Variants in PTPRD observed in about 807,000 individuals in gnomAD.
PTPRD encodes receptor-type tyrosine-protein phosphatase delta.
PTPRD carries 34 observed loss-of-function variants against 214.5 expected under a neutral mutation model. The observed-to-expected ratio is 0.16, with a 90% CI of 0.12 to 0.21. PTPRD has a LOEUF of 0.21. Among genes scored for constraint, PTPRD ranks in the 10% least tolerant of loss-of-function variants. PTPRD has a pLI of 1.00. For synonymous variants in PTPRD, 1,128 were observed against 845.7 expected (o/e 1.33, Z -5.79); for missense variants, 2,545 against 2,398.7 (o/e 1.06, Z -1.27).
chr9:9,199,782 A>G (rs2099940788), intron 9 of PTPRD, among the ~76,000 whole-genome samples: 1 of 148,186 alleles, frequency 6.7e-6, no homozygotes, highest in Non-Finnish European at 1.5e-5. Flanking sequence ...AACACGCTAA[A>G]GTAATTTATA....
intron 10 of PTPRD, among the ~76,000 whole-genome samples, chr9:9,123,761 A>G (rs1165496253): frequency 6.6e-6 from 1 of 152,216 alleles, no homozygotes; most frequent in Non-Finnish European, 1.5e-5. Flanking sequence ...GGAAGACAAC[A>G]TTTGTTGAAA....
intron 4 of PTPRD, among the ~76,000 whole-genome samples, chr9:9,989,045 A>AG (rs2095822162): frequency 6.7e-6 from 1 of 148,288 alleles, no homozygotes; most frequent in Non-Finnish European, 1.5e-5. Flanking sequence ...AAAAAAAAAA[A>AG]CCACAGACTT....
chr9:8,589,778 A>G (rs1261797032), intron 14 of PTPRD, among the ~76,000 whole-genome samples: 2 of 152,192 alleles, frequency 1.3e-5, no homozygotes, highest in African/African-American at 4.8e-5. Flanking sequence ...GAAACTTGAC[A>G]CATTCCTCTG....
intron 11 of PTPRD, among the ~76,000 whole-genome samples, chr9:8,901,179 C>A (rs1310572993): frequency 6.6e-6 from 1 of 152,150 alleles, no homozygotes; most frequent in East Asian, 1.9e-4. Context: ...AGCTCAACAG[C>A]TCTGCACATA....
intron 11 of PTPRD, among the ~76,000 whole-genome samples, chr9:8,920,976 G>A: frequency 6.6e-6 from 1 of 152,072 alleles, no homozygotes; most frequent in East Asian, 1.9e-4. Flanking sequence ...CCCACGCCAG[G>A]CTTACTTTTG....
intron 3 of PTPRD, among the ~76,000 whole-genome samples, chr9:10,140,629 C>G (rs1008839689): frequency 6.6e-6 from 1 of 151,950 alleles, no homozygotes; most frequent in African/African-American, 2.4e-5. Context: ...CGAAAAAAGT[C>G]CAGGACCAGA....
chr9:9,241,830 T>C (rs1452411183), intron 9 of PTPRD, among the ~76,000 whole-genome samples: 1 of 151,980 alleles, frequency 6.6e-6, no homozygotes, highest in African/African-American at 2.4e-5. Flanking sequence ...AATTGGAGCA[T>C]TTAGCCCATT....
chr9:8,315,677 G>A lies in PTPRD; in HGVS notation c.*2197C>T, dbSNP rs1821277335. On this transcript the variant is annotated 3_prime_UTR_variant, in exon 46 of 46. Coordinates refer to ENST00000381196, the MANE Select transcript of PTPRD (RefSeq NM_002839.4). Reference sequence around the variant, plus strand: ...TTCTTTTTCTTTGTTTTTTACAAAAGTGCTCAAATACAATGCTTGCAAATG... The same window carrying A: ...TTCTTTTTCTTTGTTTTTTACAAAAATGCTCAAATACAATGCTTGCAAATG... The A allele has an allele frequency of 4.4e-6, 1 of 227,190 alleles. No homozygotes were observed. The highest frequency in any genetic ancestry group is 8.7e-6 in the Non-Finnish European group (1 of 114,476). 14.1% of individuals were successfully genotyped at this position (227,190 alleles called of 1,614,324 possible). A position where few individuals can be genotyped will look rare whatever the true frequency, so the allele number is the denominator to read the frequency against.
intron 5 of PTPRD, among the ~76,000 whole-genome samples, chr9:9,813,036 A>C (rs2153547990): frequency 6.6e-6 from 1 of 152,254 alleles, no homozygotes; most frequent in Admixed American, 6.5e-5. Context: ...TGTGGAAAGT[A>C]AACAACACAC....
chr9:8,530,849 T>C (rs1169320301), intron 14 of PTPRD, among the ~76,000 whole-genome samples: 1 of 151,970 alleles, frequency 6.6e-6, no homozygotes, highest in East Asian at 1.9e-4. Flanking sequence ...TATTGTAAGA[T>C]AAAATTGATG....
intron 9 of PTPRD, among the ~76,000 whole-genome samples, chr9:9,323,186 C>T (rs1223590126): frequency 6.6e-6 from 1 of 151,750 alleles, no homozygotes; most frequent in East Asian, 1.9e-4. Context: ...CTAATTATAC[C>T]ATCCAAATCA....
chr9:9,855,104 C>G (rs2061298541), intron 5 of PTPRD, among the ~76,000 whole-genome samples: 1 of 152,180 alleles, frequency 6.6e-6, no homozygotes, highest in Admixed American at 6.5e-5. Context: ...TGGAGTTGTC[C>G]TGATCAACCT....
chr9:8,763,045 G>A (rs1213942995), intron 11 of PTPRD, among the ~76,000 whole-genome samples: 1 of 152,136 alleles, frequency 6.6e-6, no homozygotes, highest in Non-Finnish European at 1.5e-5. Flanking sequence ...TCAGGATCCT[G>A]GCTCAGATAT....
At chr9:9,386,514 T>G (rs1184671319) in intron 9 of PTPRD, among the ~76,000 whole-genome samples, 1 of 152,294 alleles carries the variant, frequency 6.6e-6, no homozygotes, top group South Asian at 2.1e-4. Context: ...TTGGTAATGA[T>G]TAAGTCTTCC....
At position 10,569,100 on chromosome 9, in the gene PTPRD, A is replaced by C. The variant is rs576083169; in HGVS notation, c.-600+43298T>G. Among the ~76,000 whole-genome samples, 62 of 152,274 alleles carry C rather than the reference A, an allele frequency of 4.1e-4. 1 individual carries two copies. The South Asian group carries it at 0.013, about 32-fold the overall frequency. On this transcript the variant is annotated intron_variant, in intron 2 of 45. Coordinates refer to ENST00000381196, the MANE Select transcript of PTPRD (RefSeq NM_002839.4). ...AGAAAAAAACAAAAACCCATCAAAA[A>C]ATGGGCGAAGGATATGAACAGACAC...
At chr9:9,550,268 T>C (rs1048237689) in intron 8 of PTPRD, among the ~76,000 whole-genome samples, 2 of 151,708 alleles carry the variant, frequency 1.3e-5, no homozygotes, top group South Asian at 2.1e-4. Context: ...TCCTGCCAGC[T>C]TTCCCTACAG....
intron 9 of PTPRD, among the ~76,000 whole-genome samples, chr9:9,269,399 T>C (rs1315540340): frequency 2.0e-5 from 3 of 151,304 alleles, no homozygotes; most frequent in Non-Finnish European, 4.4e-5. Flanking sequence ...TTATGCATTG[T>C]TGGTAGGAAT....
At chr9:9,485,615 A>G (rs1447967271) in intron 8 of PTPRD, among the ~76,000 whole-genome samples, 2 of 152,204 alleles carry the variant, frequency 1.3e-5, no homozygotes, top group African/African-American at 2.4e-5. Context: ...TGATCAAATA[A>G]GATCTGCTCA....
chr9:9,564,895 T>TTTTTTG (rs1555579068), intron 8 of PTPRD, among the ~76,000 whole-genome samples: 13 of 135,378 alleles, frequency 9.6e-5, no homozygotes, highest in African/African-American at 3.7e-4. Context: ...TTTTTTTTTT[T>TTTTTTG]TTTTTTTTTT....
Sources: allele counts gnomAD v4.1 joint callset (sites outside exome capture counted in the v4.1 genomes callset), GRCh38; gene constraint gnomAD v4.1.1; transcripts MANE v1.5; gene names NCBI Gene and HGNC (gene_info 2026-07-23, HGNC 2026-07-21).